Variants in CCNY observed in about 807,000 individuals in gnomAD.
The protein encoded by CCNY is cyclin Y.
In CCNY, 19 loss-of-function variants were observed where a neutral mutation model predicts 42.8. The observed-to-expected ratio is 0.44, with a 90% CI of 0.31 to 0.65. The LOEUF is 0.65. CCNY is among the 30% of genes least tolerant of loss of function. The pLI, the probability that CCNY is intolerant of heterozygous loss-of-function variation, is 0.07. For synonymous variants in CCNY, 165 were observed against 162.7 expected (o/e 1.01, Z -0.11); for missense variants, 370 against 437.3 (o/e 0.85, Z 1.37).
At chr10:35,480,135 T>C (rs1287751630) in intron 1 of CCNY, among the ~76,000 whole-genome samples, 1 of 152,224 alleles carries the variant, frequency 6.6e-6, no homozygotes. Context: ...GTCTCTGAAC[T>C]CTGCAAGTCA....
chr10:35,454,400 A>G (rs1838985327), intron 1 of CCNY, among the ~76,000 whole-genome samples: 1 of 152,244 alleles, frequency 6.6e-6, no homozygotes. Flanking sequence ...TTCACCTGGA[A>G]TGGACTGTGA....
chr10:35,367,292 A>G (rs1303795760), intron 1 of CCNY, among the ~76,000 whole-genome samples: 1 of 152,126 alleles, frequency 6.6e-6, no homozygotes, highest in Non-Finnish European at 1.5e-5. Flanking sequence ...TAGACTGTAT[A>G]GTATTCTATT....
chr10:35,333,205 C>A (rs1332544767), upstream of CCNY, among the ~76,000 whole-genome samples: 1 of 152,144 alleles, frequency 6.6e-6, no homozygotes, highest in Admixed American at 6.5e-5. Flanking sequence ...GTGTACCTCT[C>A]CCCTTCTCCA....
chr10:35,297,555 T>C (rs1835486239), intron 3 of CCNY, among the ~76,000 whole-genome samples: 1 of 152,078 alleles, frequency 6.6e-6, no homozygotes, highest in South Asian at 2.1e-4. Flanking sequence ...AGTCAAACTA[T>C]CCCTGTTTAC....
intron 1 of CCNY, among the ~76,000 whole-genome samples, chr10:35,368,734 A>G (rs1836864825): frequency 7.3e-6 from 1 of 137,256 alleles, no homozygotes; most frequent in African/African-American, 3.0e-5. Context: ...GGTGTGGCAT[A>G]GGAGTGCCCT....
intron 3 of CCNY, among the ~76,000 whole-genome samples, chr10:35,281,961 C>G (rs1461931361): frequency 6.6e-6 from 1 of 152,004 alleles, no homozygotes; most frequent in African/African-American, 2.4e-5. Context: ...ATTTTTAGTT[C>G]TCATCTTCCT....
intron 2 of CCNY, among the ~76,000 whole-genome samples, chr10:35,491,387 A>G (rs1280045995): frequency 6.6e-6 from 1 of 152,182 alleles, no homozygotes. Context: ...GTGATGTAAC[A>G]GGTACTTTGG....
chr10:35,440,712 G>C (rs562316913), intron 1 of CCNY, among the ~76,000 whole-genome samples: 17 of 152,368 alleles, frequency 1.1e-4, no homozygotes, highest in Admixed American at 5.2e-4. Context: ...CTGGGCAGCA[G>C]AAAGGACGGA....
chr10:35,312,782 T>C (rs978044807), intron 3 of CCNY, among the ~76,000 whole-genome samples: 2 of 148,346 alleles, frequency 1.3e-5, no homozygotes, highest in East Asian at 4.0e-4. Context: ...GTTGGGGTCT[T>C]GTTCTGTTGC....
intron 3 of CCNY, among the ~76,000 whole-genome samples, chr10:35,274,020 G>T (rs1835206121): frequency 1.3e-5 from 2 of 152,156 alleles, no homozygotes; most frequent in Admixed American, 6.5e-5. Context: ...GGAAGGACTT[G>T]CCATGTGTAT....
At chr10:35,525,885 T>A in intron 4 of CCNY, 79 bp from the exon 5 acceptor site, 1 of 1,212,390 alleles carries the variant, frequency 8.2e-7, no homozygotes, top group Non-Finnish European at 1.2e-6. Context: ...TAAATATTTA[T>A]GTTCAGACTG....
chr10:35,292,341 A>C (rs1213157147), intron 3 of CCNY, among the ~76,000 whole-genome samples: 3 of 152,052 alleles, frequency 2.0e-5, no homozygotes, highest in African/African-American at 7.2e-5. Context: ...TTTGAAGAAC[A>C]ATAGTTTTTA....
chr10:35,279,110 G>GT (rs869276523), intron 3 of CCNY, among the ~76,000 whole-genome samples: 5,228 of 102,722 alleles, frequency 0.051, 288 homozygotes, highest in African/African-American at 0.11. Flanking sequence ...AGCTTTCAAT[G>GT]TTTTTTTTTT....
chr10:35,389,450 T>C lies in CCNY; in HGVS notation c.154+52243T>C, dbSNP rs541007140. ...AATAGAAAACTGTGCTTTTTTTTTT[T>C]TTTTTTTTGAGACGGAGTCTAGCTC... is the stretch of plus-strand genomic sequence containing the variant. On this transcript the variant is annotated intron_variant, in intron 1 of 9. Coordinates refer to ENST00000374704, the MANE Select transcript of CCNY (RefSeq NM_145012.6). Among the ~76,000 whole-genome samples the C allele has an allele frequency of 2.0e-3, 298 of 151,076 alleles. 1 individual carries two copies. The highest frequency in any genetic ancestry group is 6.8e-3 in the African/African-American group (278 of 41,162).
At chr10:35,286,857 G>T (rs1273264922) in intron 3 of CCNY, among the ~76,000 whole-genome samples, 6 of 150,802 alleles carry the variant, frequency 4.0e-5, no homozygotes, top group East Asian at 2.0e-4. Context: ...ACAGGGTTTT[G>T]TCATGTCGGC....
Position 35,389,533 on chromosome 10 carries a change from G to A in CCNY, c.154+52326G>A, listed in dbSNP as rs532306166. 2.2e-4 allele frequency among the ~76,000 whole-genome samples: 33 copies of A among 148,626 alleles called. No individual in the cohort carries two copies. The South Asian group carries it at 6.0e-3, about 27-fold the overall frequency. On this transcript the variant is annotated intron_variant, in intron 1 of 9. Transcript: ENST00000374704. ...CGGCTTGCTGCAACCTCTGCCTCCC[G>A]GGTTCAAGCAGTTCTTTTGCCTCAG... is the stretch of plus-strand genomic sequence containing the variant.
At chr10:35,431,353 T>TC (rs1200834445) in intron 1 of CCNY, among the ~76,000 whole-genome samples, 8 of 2,138 alleles carry the variant, frequency 3.7e-3, no homozygotes, top group African/African-American at 0.015. Context: ...CCCCACATCT[T>TC]CCCCCCCTCC....
intron 1 of CCNY, among the ~76,000 whole-genome samples, chr10:35,454,439 A>G (rs1219987842): frequency 1.3e-5 from 2 of 152,260 alleles, no homozygotes; most frequent in Non-Finnish European, 1.5e-5. Flanking sequence ...TGGCACAGGC[A>G]GAAGTCAACC....
At chr10:35,395,252 A>G (rs542212310) in intron 1 of CCNY, among the ~76,000 whole-genome samples, 8 of 152,272 alleles carry the variant, frequency 5.3e-5, no homozygotes, top group East Asian at 1.9e-4. Flanking sequence ...GTGTTGTTCC[A>G]TTGTTAGAGA....
Sources: gnomAD v4.1 joint callset for allele counts (sites outside exome capture counted in the v4.1 genomes callset) on GRCh38, gnomAD v4.1.1 for gene constraint, MANE v1.5 for transcripts, NCBI Gene and HGNC (gene_info 2026-07-23, HGNC 2026-07-21) for gene names.